The following DEF6 variants were observed in gnomAD, a reference collection of about 807,000 sequenced individuals.
DEF6 encodes differentially expressed in FDCP 6 homolog.
DEF6 carries 32 observed loss-of-function variants against 80.5 expected under a neutral mutation model. That is an observed-to-expected ratio of 0.40 (90% confidence interval 0.30 to 0.53). DEF6 has a LOEUF of 0.53. DEF6 is among the 20% of genes least tolerant of loss of function. DEF6 has a pLI of 0.57. For missense variants in DEF6, 575 were observed against 818.7 expected, an observed-to-expected ratio of 0.70 and a Z score of 3.63; for synonymous variants, 300 against 337.9, an observed-to-expected ratio of 0.89 and a Z score of 1.23.
rs973122850 is a variant in DEF6, at chr6:35,308,430, T to C, written c.97-1240T>C. On this transcript the variant is annotated intron_variant, in intron 1 of 10. Transcript: ENST00000316637. Reference sequence around the variant, plus strand: ...CCTCAGGCCTGTAATCCCAGCACTTTGGGAGGCCGAGGTGGGCGGATCGCC... The same window carrying C: ...CCTCAGGCCTGTAATCCCAGCACTTCGGGAGGCCGAGGTGGGCGGATCGCC... Among the ~76,000 whole-genome samples, 7 of 151,668 alleles carry C rather than the reference T, an allele frequency of 4.6e-5. No individual in the cohort carries two copies. The South Asian group carries it at 6.2e-4, about 14-fold the overall frequency.
Position 35,297,852 on chromosome 6 carries a change from C to G in DEF6, c.-5C>G, listed in dbSNP as rs1308318718. On this transcript the variant is annotated 5_prime_UTR_variant, in exon 1 of 11. Coordinates refer to ENST00000316637, the MANE Select transcript of DEF6 (RefSeq NM_022047.4). ...GCCGCCCCCAGCCGGGCGGGCGCCT[C>G]AGCCATGGCCCTGCGCAAGGAACTG... is the stretch of plus-strand genomic sequence containing the variant. The G allele has an allele frequency of 6.3e-7, 1 of 1,592,156 alleles. No homozygotes were observed. The highest frequency in any genetic ancestry group is 8.5e-7 in the Non-Finnish European group (1 of 1,170,228).
At chr6:35,298,129 G>A (rs555047943) in intron 1 of DEF6, among the ~76,000 whole-genome samples, 177 bp downstream of exon 1, 25 of 152,328 alleles carry the variant, frequency 1.6e-4, no homozygotes, top group African/African-American at 4.3e-4. Context: ...GGTAGATGCC[G>A]CTGCCCACCC....
At position 35,318,393 on chromosome 6, in the gene DEF6, G is replaced by C; in HGVS notation, c.1137G>C (p.Gln379His). 6.5e-7 allele frequency: 1 copy of C among 1,532,694 alleles called. No individual in the cohort carries two copies. Among genetic ancestry groups the C allele is most frequent in the African/African-American group, 1.4e-5 (1 of 72,584 alleles). 94.9% of individuals were successfully genotyped at this position (1,532,694 alleles called of 1,614,324 possible). The change falls in exon 7 of 11, where the codon CAG becomes CAC. Residue 379 changes from glutamine to histidine, a missense_variant. Transcript: ENST00000316637. The surrounding 1 kb of genome is among the most constrained non-coding windows in gnomAD (Gnocchi z 5.1). ...EAQRQAERLL[Q>H]EEEERRRSQH... ...AGCGGCAGGCCGAGCGGCTGCTGCA[G>C]GAGGAGGAGGAACGGCGCCGCAGCC...
intron 1 of DEF6, among the ~76,000 whole-genome samples, chr6:35,298,286 C>T (rs572490892): frequency 4.0e-4 from 61 of 152,230 alleles, no homozygotes; most frequent in Non-Finnish European, 7.8e-4. Context: ...GCACACACAC[C>T]TCCACAGAGT....
At chr6:35,297,996 C>T (rs1049811156) in intron 1 of DEF6, 44 bp downstream of exon 1, 45 of 1,498,576 alleles carry the variant, frequency 3.0e-5, no homozygotes, top group Non-Finnish European at 4.0e-5. Flanking sequence ...AGATGCACCA[C>T]ACCAGCCCCT....
At position 35,319,462 on chromosome 6, in the gene DEF6, T is replaced by G; in HGVS notation, c.1216-62T>G. 1.1e-6 allele frequency: 1 copy of G among 880,058 alleles called. No homozygotes were observed. The highest frequency in any genetic ancestry group is 1.7e-6 in the Non-Finnish European group (1 of 603,238). The allele number at this position is 880,058 out of a possible 1,614,324, so 54.5% of individuals were successfully genotyped here. ...GCTTAGCAACATGCCCACCCCCTCC[T>G]CCTCCGCCCCCACGTGCCCCTTTTG... On this transcript the variant is annotated intron_variant, in intron 7 of 10. Transcript: ENST00000316637. This position sits in a 1 kb window ranked among gnomAD's most constrained non-coding sequence, Gnocchi z 4.5.
intron 1 of DEF6, 22 bp downstream of exon 1, chr6:35,297,974 G>A (rs1258332284): frequency 1.3e-6 from 2 of 1,571,026 alleles, no homozygotes; most frequent in Non-Finnish European, 1.7e-6. Flanking sequence ...CCGGGACCCG[G>A]GGGAGGACGG....
intron 3 of DEF6, among the ~76,000 whole-genome samples, chr6:35,311,975 G>C (rs1791474353): frequency 6.6e-6 from 1 of 152,190 alleles, no homozygotes; most frequent in Non-Finnish European, 1.5e-5. Flanking sequence ...GGATGAGAGG[G>C]CCTTTGCACT....
At chr6:35,321,096 G>A in intron 10 of DEF6, 91 bp from the exon 11 acceptor site, 1 of 1,555,888 alleles carries the variant, frequency 6.4e-7, no homozygotes, top group East Asian at 2.2e-5. Flanking sequence ...GCAGTCAGGA[G>A]GCTCCCCTCT....
intron 1 of DEF6, 21 bp downstream of exon 1, chr6:35,297,973 G>A (rs368158308): frequency 5.7e-5 from 89 of 1,569,000 alleles, no homozygotes; most frequent in Non-Finnish European, 7.2e-5. Context: ...CCCGGGACCC[G>A]GGGGAGGACG....
In DEF6 at chr6:35,317,732, C is replaced by G. The variant is rs532421478; in HGVS notation, c.808-159C>G. 5 of 591,620 alleles carry G rather than the reference C, an allele frequency of 8.5e-6. No individual in the cohort carries two copies. In the South Asian group the frequency reaches 1.0e-4, roughly 12 times the overall value. 36.6% of individuals were successfully genotyped at this position (591,620 alleles called of 1,614,324 possible). A position where few individuals can be genotyped will look rare whatever the true frequency, so the allele number is the denominator to read the frequency against. ...TACAGAGTTGTGGGGACTTAAGTCC[C>G]CCATAACTTATGATGCAAGCCATGC... is the stretch of plus-strand genomic sequence containing the variant. On this transcript the variant is annotated intron_variant, in intron 5 of 10. Coordinates refer to ENST00000316637, the MANE Select transcript of DEF6 (RefSeq NM_022047.4).
In DEF6 at chr6:35,318,234, G is replaced by A. The variant is rs1415700031; in HGVS notation, c.978G>A (p.Lys326=). The change falls in exon 7 of 11, where the codon AAG becomes AAA. Residue 326 remains lysine, a synonymous_variant. Coordinates refer to ENST00000316637, the MANE Select transcript of DEF6 (RefSeq NM_022047.4). This position sits in a 1 kb window ranked among gnomAD's most constrained non-coding sequence, Gnocchi z 5.1. ...AGACGTCCCTACACAAGGACCTGAA[G>A]CAGAAACGGCGCGAGCAGCGGGAGC... ...EGKTSLHKDL[K]QKRREQREQR... The A allele has an allele frequency of 6.3e-7, 1 of 1,597,656 alleles. No homozygotes were observed. The highest frequency in any genetic ancestry group is 1.8e-5 in the Admixed American group (1 of 56,870).
chr6:35,321,205 G>A lies in DEF6; in HGVS notation c.1691G>A (p.Ser564Asn). ...CTGCCAGATAAGCGTCCGGTCACCA[G>A]CAGCTCCTTCTCAGGCTTCCAGCCC... ...IEPGDKRPVT[S>N]SSFSGFQPPL... Residue 564 changes from serine to asparagine, a missense_variant, in exon 11 of 11, where the codon AGC becomes AAC. By Grantham distance (46) the Ser-to-Asn change is conservative. Coordinates refer to ENST00000316637, the MANE Select transcript of DEF6 (RefSeq NM_022047.4). 1 of 1,612,576 alleles carries A rather than the reference G, an allele frequency of 6.2e-7. No homozygotes were observed. Among genetic ancestry groups the A allele is most frequent in the Non-Finnish European group, 8.5e-7 (1 of 1,179,930 alleles).
intron 5 of DEF6, among the ~76,000 whole-genome samples, chr6:35,313,643 T>C (rs982722860): frequency 3.9e-5 from 6 of 152,202 alleles, no homozygotes; most frequent in Admixed American, 6.5e-5. Context: ...ACCACTAATA[T>C]ACTCTCTATC....
intron 1 of DEF6, among the ~76,000 whole-genome samples, chr6:35,302,019 A>T (rs565051020): frequency 6.6e-6 from 1 of 151,492 alleles, no homozygotes; most frequent in South Asian, 2.1e-4. Context: ...GAGCTACTGC[A>T]CCTGGCTGGA....
At position 35,318,464 on chromosome 6, in the gene DEF6, C is replaced by T; in HGVS notation, c.1208C>T (p.Ala403Val). The part of the protein sequence containing the change: ...QQALEGQLRE[A>V]EQARASMQAE... ...GCGCTCGAGGGCCAACTGCGCGAGG[C>T]GGAGCAGGTGGGGTTAGCTCCCGGC... Residue 403 changes from alanine (A) to valine (V), a missense_variant, in exon 7 of 11, where the codon GCG becomes GTG. By Grantham distance (64) the Ala-to-Val change is moderately conservative. Coordinates refer to ENST00000316637, the MANE Select transcript of DEF6 (RefSeq NM_022047.4). The surrounding 1 kb of genome is among the most constrained non-coding windows in gnomAD (Gnocchi z 5.1). The T allele has an allele frequency of 7.0e-7, 1 of 1,437,548 alleles. No homozygotes were observed. The highest frequency in any genetic ancestry group is 1.4e-5 in the South Asian group (1 of 69,612). The allele number at this position is 1,437,548 out of a possible 1,614,324, so 89.0% of individuals were successfully genotyped here. A position where few individuals can be genotyped will look rare whatever the true frequency, so the allele number is the denominator to read the frequency against.
At chr6:35,321,063 C>CA in intron 10 of DEF6, 89 bp downstream of exon 10, 1 of 1,562,406 alleles carries the variant, frequency 6.4e-7, no homozygotes. Context: ...CCAGATCTCC[C>CA]AGGGCCAGCA....
rs758808459 is a variant in DEF6, at chr6:35,297,905, G to A, written c.49G>A (p.Ala17Thr). ...CAAGTCCATCTGGTACGCCTTTACC[G>A]CGCTGGACGTGGAGAAGAGTGGCAA... ...LLKSIWYAFT[A>T]LDVEKSGKVS... is the part of the protein sequence containing the mutation. Residue 17 changes from alanine to threonine, a missense_variant, in exon 1 of 11, where the codon GCG becomes ACG. Physicochemically the swap from Ala to Thr is moderately conservative, Grantham distance 58. Coordinates refer to ENST00000316637, the MANE Select transcript of DEF6 (RefSeq NM_022047.4). 10 of 1,607,814 alleles carry A rather than the reference G, an allele frequency of 6.2e-6. No homozygotes were observed. Among genetic ancestry groups the A allele is most frequent in the African/African-American group, 4.0e-5 (3 of 74,902 alleles).
intron 1 of DEF6, among the ~76,000 whole-genome samples, chr6:35,305,282 A>G (rs1562147013): frequency 6.7e-6 from 1 of 150,220 alleles, no homozygotes; most frequent in African/African-American, 2.5e-5. Flanking sequence ...AGTAGCTGGG[A>G]CTACAGGAGT....
Sources: allele counts gnomAD v4.1 joint callset (sites outside exome capture counted in the v4.1 genomes callset), GRCh38; gene constraint gnomAD v4.1.1; non-coding constraint Gnocchi (gnomAD v3.1); transcripts MANE v1.5; gene names NCBI Gene and HGNC (gene_info 2026-07-23, HGNC 2026-07-21).